The following FAF1 variants were observed in gnomAD, a reference collection of about 807,000 sequenced individuals.
FAF1 encodes FAS-associated factor 1.
A neutral mutation model predicts 92.5 loss-of-function variants in FAF1; 25 were observed. The ratio of observed to expected loss-of-function variants is 0.27; its 90% confidence interval spans 0.20 to 0.38. The LOEUF (loss-of-function observed/expected upper bound fraction) is 0.38. Among genes scored for constraint, FAF1 ranks in the 10% least tolerant of loss-of-function variants. The pLI, the probability that FAF1 is intolerant of heterozygous loss-of-function variation, is 1.00. For synonymous variants in FAF1, 234 were observed against 273.2 expected (o/e 0.86, Z 1.42); for missense variants, 636 against 793.3 (o/e 0.80, Z 2.38).
chr1:50,628,118 T>G (rs566735077), intron 8 of FAF1, among the ~76,000 whole-genome samples: 1 of 152,078 alleles, frequency 6.6e-6, no homozygotes, highest in South Asian at 2.1e-4. Flanking sequence ...TTTCTGTGTG[T>G]GTGTATGCGT....
At chr1:50,813,891 C>T (rs1016978922) in intron 2 of FAF1, among the ~76,000 whole-genome samples, 5 of 151,932 alleles carry the variant, frequency 3.3e-5, no homozygotes, top group African/African-American at 9.7e-5. Context: ...AAGATTCATA[C>T]TATAGTTCCT....
intron 1 of FAF1, among the ~76,000 whole-genome samples, chr1:50,932,963 C>A (rs1344297730): frequency 6.6e-6 from 1 of 152,200 alleles, no homozygotes; most frequent in Non-Finnish European, 1.5e-5. Flanking sequence ...AGCCCAAGCT[C>A]TATGTTGGCC....
intron 13 of FAF1, among the ~76,000 whole-genome samples, chr1:50,561,467 A>G (rs1649894537): frequency 6.6e-6 from 1 of 152,142 alleles, no homozygotes; most frequent in Non-Finnish European, 1.5e-5. Flanking sequence ...TCAAACTGGT[A>G]CTCTCTTGCT....
intron 4 of FAF1, among the ~76,000 whole-genome samples, chr1:50,752,048 C>T (rs1220844041): frequency 6.6e-6 from 1 of 152,148 alleles, no homozygotes; most frequent in Non-Finnish European, 1.5e-5. Context: ...TGGCTCACTG[C>T]AACCTCCGCC....
At chr1:50,491,007 T>C (rs1646833093) in intron 16 of FAF1, among the ~76,000 whole-genome samples, 1 of 152,164 alleles carries the variant, frequency 6.6e-6, no homozygotes, top group South Asian at 2.1e-4. Context: ...CTAAAGCTAT[T>C]TAATCAGCCT....
chr1:50,514,730 A>C (rs953171214), intron 15 of FAF1, among the ~76,000 whole-genome samples: 2 of 152,202 alleles, frequency 1.3e-5, no homozygotes, highest in Non-Finnish European at 2.9e-5. Context: ...TGTGGGAGTC[A>C]GCTAAAAAGC....
intron 15 of FAF1, among the ~76,000 whole-genome samples, chr1:50,529,748 T>C (rs1270810214): frequency 6.6e-6 from 1 of 152,236 alleles, no homozygotes; most frequent in Non-Finnish European, 1.5e-5. Flanking sequence ...GATTAGTTGA[T>C]AAACTTTATT....
intron 2 of FAF1, 105 bp from the exon 3 acceptor site, chr1:50,801,782 A>G: frequency 1.5e-6 from 1 of 673,856 alleles, no homozygotes; most frequent in Admixed American, 2.2e-5. Context: ...AAATGTATTT[A>G]AACATAATAC....
chr1:50,499,919 T>C (rs1388828767), intron 15 of FAF1, among the ~76,000 whole-genome samples: 1 of 152,166 alleles, frequency 6.6e-6, no homozygotes, highest in Admixed American at 6.5e-5. Context: ...TCATTTATAA[T>C]AGCATAAAAT....
chr1:50,684,011 G>A (rs1314268711), intron 7 of FAF1, among the ~76,000 whole-genome samples: 1 of 151,898 alleles, frequency 6.6e-6, no homozygotes. Flanking sequence ...TCTATGACTA[G>A]GAAAAATTAA....
At chr1:50,506,219 T>A (rs1647056544) in intron 15 of FAF1, among the ~76,000 whole-genome samples, 1 of 152,230 alleles carries the variant, frequency 6.6e-6, no homozygotes, top group South Asian at 2.1e-4. Context: ...CTTTACATTC[T>A]GAACCACTTG....
chr1:50,617,054 G>A (rs769222416), intron 8 of FAF1, among the ~76,000 whole-genome samples: 1 of 152,170 alleles, frequency 6.6e-6, no homozygotes. Context: ...AGAGTCCTTA[G>A]GGTTTTCTAG....
At chr1:50,721,623 T>C (rs1437484922) in intron 6 of FAF1, among the ~76,000 whole-genome samples, 2 of 152,122 alleles carry the variant, frequency 1.3e-5, no homozygotes, top group East Asian at 1.9e-4. Flanking sequence ...TATTAAATCA[T>C]TTTTTGTTTG....
chr1:50,816,431 C>T (rs1334999616), intron 2 of FAF1, among the ~76,000 whole-genome samples: 1 of 151,940 alleles, frequency 6.6e-6, no homozygotes, highest in Non-Finnish European at 1.5e-5. Context: ...GTTTCAATCT[C>T]CTGACCTCGT....
chr1:50,951,673 T>A (rs966630787), intron 1 of FAF1, among the ~76,000 whole-genome samples: 2 of 152,036 alleles, frequency 1.3e-5, no homozygotes, highest in Admixed American at 1.3e-4. Context: ...TAAAACAACA[T>A]GATTTGTCTC....
intron 2 of FAF1, among the ~76,000 whole-genome samples, chr1:50,815,441 C>A (rs115735855): frequency 0.013 from 1,979 of 152,180 alleles, 42 homozygotes; most frequent in African/African-American, 0.044. Flanking sequence ...TGTATATGTA[C>A]CATATTTTCA....
intron 15 of FAF1, among the ~76,000 whole-genome samples, chr1:50,496,410 T>C (rs532606679): frequency 6.6e-6 from 1 of 152,038 alleles, no homozygotes; most frequent in African/African-American, 2.4e-5. Flanking sequence ...ACTAAGCATG[T>C]CAGAAAGAAA....
intron 9 of FAF1, 46 bp from the exon 10 acceptor site, chr1:50,584,857 T>C (rs1197833572): frequency 2.5e-6 from 4 of 1,576,340 alleles, no homozygotes; most frequent in African/African-American, 1.4e-5. Context: ...TTTTGGCCTA[T>C]CAAATTCTAA....
chr1:50,615,234 G>T (rs1652857950), intron 8 of FAF1, among the ~76,000 whole-genome samples: 2 of 152,206 alleles, frequency 1.3e-5, no homozygotes, highest in Admixed American at 6.5e-5. Context: ...TTTCCAGGCA[G>T]CATAGTATTC....
Sources: allele counts gnomAD v4.1 joint callset (sites outside exome capture counted in the v4.1 genomes callset), GRCh38; gene constraint gnomAD v4.1.1; transcripts MANE v1.5; gene names NCBI Gene and HGNC (gene_info 2026-07-23, HGNC 2026-07-21).